The following AUTS2 variants were observed in gnomAD, a reference collection of about 807,000 sequenced individuals.
AUTS2 encodes the protein activator of transcription and developmental regulator AUTS2.
In AUTS2, 17 loss-of-function variants were observed where a neutral mutation model predicts 112.4. That is an observed-to-expected ratio of 0.15 (90% CI 0.10 to 0.23). AUTS2 has a LOEUF of 0.23. Ranked by LOEUF, AUTS2 falls within the 10% of genes least tolerant of loss-of-function variation. The pLI is 1.00. For synonymous variants in AUTS2, 751 were observed against 702.7 expected (o/e 1.07, Z -1.09); for missense variants, 1,510 against 1,701.6 (o/e 0.89, Z 1.98).
chr7:69,660,417 A>G (rs1448956871), intron 1 of AUTS2, among the ~76,000 whole-genome samples: 1 of 152,134 alleles, frequency 6.6e-6, no homozygotes, highest in African/African-American at 2.4e-5. Context: ...TTTAGACTTC[A>G]TGGTGACAGC....
At chr7:70,188,331 A>C (rs1361044919) in intron 4 of AUTS2, among the ~76,000 whole-genome samples, 2 of 152,192 alleles carry the variant, frequency 1.3e-5, no homozygotes, top group Non-Finnish European at 2.9e-5. Context: ...TTGAGGAGGA[A>C]GAGGCAGGTA....
At chr7:69,898,089 A>C (rs937862271) in intron 1 of AUTS2, among the ~76,000 whole-genome samples, 7 of 152,204 alleles carry the variant, frequency 4.6e-5, no homozygotes, top group African/African-American at 1.7e-4. Context: ...CAAAGGATAC[A>C]TGTTTGAGGT....
chr7:70,038,514 TTTAAAAATAGA>T (rs1584619140), intron 2 of AUTS2, among the ~76,000 whole-genome samples: 1 of 152,176 alleles, frequency 6.6e-6, no homozygotes, highest in African/African-American at 2.4e-5. Context: ...AAATTAGGCT[TTTAAAAATAGA>T]TTATTTTTAT....
At chr7:70,531,759 T>C (rs1800102839) in intron 5 of AUTS2, among the ~76,000 whole-genome samples, 1 of 152,040 alleles carries the variant, frequency 6.6e-6, no homozygotes, top group South Asian at 2.1e-4. Context: ...CATTTTACCA[T>C]GAGATTTGGA....
intron 4 of AUTS2, among the ~76,000 whole-genome samples, chr7:70,334,068 GA>G: frequency 6.6e-6 from 1 of 152,226 alleles, no homozygotes; most frequent in African/African-American, 2.4e-5. Flanking sequence ...TGCAAATAGA[GA>G]GGCCATTTCT....
chr7:69,869,361 G>A (rs371219534), intron 1 of AUTS2, among the ~76,000 whole-genome samples: 1 of 151,714 alleles, frequency 6.6e-6, no homozygotes, highest in East Asian at 1.9e-4. Context: ...GAAATTCCTG[G>A]CTCATTTTTG....
intron 2 of AUTS2, among the ~76,000 whole-genome samples, chr7:70,058,161 A>G (rs916612351): frequency 6.6e-6 from 1 of 152,204 alleles, no homozygotes; most frequent in African/African-American, 2.4e-5. Context: ...CATTCAGTAC[A>G]GTGTGATTTT....
At chr7:70,760,299 C>T (rs1040183880) in intron 6 of AUTS2, among the ~76,000 whole-genome samples, 10 of 152,200 alleles carry the variant, frequency 6.6e-5, no homozygotes, top group Non-Finnish European at 1.2e-4. Flanking sequence ...GCCACCGCAC[C>T]CGGCCTACAA....
At chr7:69,902,653 A>G (rs1001448984) in intron 2 of AUTS2, among the ~76,000 whole-genome samples, 2 of 152,052 alleles carry the variant, frequency 1.3e-5, no homozygotes, top group African/African-American at 4.8e-5. Context: ...TTTTTTTCTG[A>G]GACTCCGTTG....
At chr7:70,635,376 CTT>C (rs1805482026) in intron 5 of AUTS2, among the ~76,000 whole-genome samples, 1 of 152,208 alleles carries the variant, frequency 6.6e-6, no homozygotes, top group East Asian at 1.9e-4. Flanking sequence ...TCAGGCTACT[CTT>C]TGGAAATTGT....
intron 4 of AUTS2, among the ~76,000 whole-genome samples, chr7:70,139,512 A>G (rs765423028): frequency 6.6e-6 from 1 of 152,210 alleles, no homozygotes; most frequent in South Asian, 2.1e-4. Context: ...TTTATAAAAT[A>G]TAGTAATTTT....
chr7:70,070,741 A>G (rs1225755518), intron 2 of AUTS2, among the ~76,000 whole-genome samples: 2 of 149,590 alleles, frequency 1.3e-5, no homozygotes, highest in Non-Finnish European at 3.0e-5. Context: ...TTGTGGTGGC[A>G]CACACCTGTA....
chr7:69,892,688 T>C (rs1186585042), intron 1 of AUTS2, among the ~76,000 whole-genome samples: 5 of 152,208 alleles, frequency 3.3e-5, no homozygotes, highest in Non-Finnish European at 7.3e-5. Context: ...AAATCTTAGC[T>C]TAACCCAAGA....
At chr7:69,919,378 A>G (rs1011152775) in intron 2 of AUTS2, among the ~76,000 whole-genome samples, 2 of 152,250 alleles carry the variant, frequency 1.3e-5, no homozygotes, top group African/African-American at 2.4e-5. Context: ...ATGTTGGCAG[A>G]CTGAAGAAGA....
intron 2 of AUTS2, among the ~76,000 whole-genome samples, chr7:69,903,112 A>G (rs926409684): frequency 2.6e-5 from 4 of 152,188 alleles, no homozygotes; most frequent in East Asian, 1.9e-4. Context: ...TTACAAGGAC[A>G]TGGTACTTTT....
At chr7:70,654,438 C>G (rs1299738674) in intron 5 of AUTS2, among the ~76,000 whole-genome samples, 1 of 152,098 alleles carries the variant, frequency 6.6e-6, no homozygotes, top group Non-Finnish European at 1.5e-5. Flanking sequence ...TCACATTGGG[C>G]TTAATGAGCT....
intron 4 of AUTS2, among the ~76,000 whole-genome samples, chr7:70,348,632 G>A (rs918706258): frequency 1.7e-4 from 26 of 151,934 alleles, no homozygotes; most frequent in Non-Finnish European, 2.2e-4. Flanking sequence ...GTGAAACCCC[G>A]TCTCTACTAA....
At chr7:70,786,919 T>A in intron 17 of AUTS2, 1 of 474,918 alleles carries the variant, frequency 2.1e-6, no homozygotes, top group African/African-American at 2.0e-5. Flanking sequence ...ACCAGATACG[T>A]TGAATTAGGT....
At chr7:70,635,407 T>C (rs893340562) in intron 5 of AUTS2, among the ~76,000 whole-genome samples, 10 of 152,130 alleles carry the variant, frequency 6.6e-5, no homozygotes, top group Admixed American at 3.9e-4. Flanking sequence ...TTAGTGGAGA[T>C]AGGTTAGCTC....
Sources: gnomAD v4.1 joint callset for allele counts (sites outside exome capture counted in the v4.1 genomes callset) on GRCh38, gnomAD v4.1.1 for gene constraint, MANE v1.5 for transcripts, NCBI Gene and HGNC (gene_info 2026-07-23, HGNC 2026-07-21) for gene names.